Variants in RTRAF observed in about 807,000 individuals in gnomAD.
The protein encoded by RTRAF is RNA transcription, translation and transport factor, also known as tRNA-splicing ligase complex subunit RTRAF.
A neutral mutation model predicts 34.4 loss-of-function variants in RTRAF; 14 were observed. That is an observed-to-expected ratio of 0.41 (90% CI 0.27 to 0.64). The LOEUF (loss-of-function observed/expected upper bound fraction) is 0.64, where lower values mean the gene tolerates loss of function less well. RTRAF is among the 30% of genes least tolerant of loss of function. RTRAF has a pLI of 0.34. For missense variants in RTRAF, 291 were observed against 288.4 expected (o/e 1.01, Z -0.06); for synonymous variants, 96 against 95.3 (o/e 1.01, Z -0.04).
At chr14:52,000,851 G>A (rs139016561) in intron 5 of RTRAF, among the ~76,000 whole-genome samples, 90 of 152,278 alleles carry the variant, frequency 5.9e-4, no homozygotes, top group African/African-American at 2.0e-3. Flanking sequence ...AGGAGAGTCA[G>A]ACAATGCATA....
chr14:51,993,056 T>C (rs569092349), intron 2 of RTRAF, among the ~76,000 whole-genome samples: 52 of 152,268 alleles, frequency 3.4e-4, no homozygotes, highest in Non-Finnish European at 5.9e-4. Context: ...TATGTATGTG[T>C]GTGTATATAT....
chr14:52,008,217 T>C lies in RTRAF; in HGVS notation c.*3701T>C, dbSNP rs1329960669. On this transcript the variant is annotated 3_prime_UTR_variant, in exon 8 of 8. Transcript: ENST00000261700. ...CTTAGGGGCTCTCTCTTGCTCCCTT[T>C]GAGGGAAGCTGGATGCCATGTTGCA... The C allele has an allele frequency of 2.8e-6, 1 of 352,992 alleles. No homozygotes were observed. The highest frequency in any genetic ancestry group is 5.1e-6 in the Non-Finnish European group (1 of 195,016). 21.9% of individuals were successfully genotyped at this position (352,992 alleles called of 1,614,324 possible).
Position 52,004,560 on chromosome 14 carries a change from A to AACCAT in RTRAF, c.*47_*51dup. The AACCAT allele has an allele frequency of 6.4e-7, 1 of 1,561,536 alleles. No homozygotes were observed. Among genetic ancestry groups the AACCAT allele is most frequent in the Non-Finnish European group, 8.7e-7 (1 of 1,151,064 alleles). ...TTCTCACCTACTTAGTACAGTTGGGAACCATACACTTCTGGCATGTTTGGA... is the reference window on the plus strand; with the variant it reads ...TTCTCACCTACTTAGTACAGTTGGGAACCATACCATACACTTCTGGCATGTTTGGA... On this transcript the variant is annotated 3_prime_UTR_variant, in exon 8 of 8. Coordinates refer to ENST00000261700, the MANE Select transcript of RTRAF (RefSeq NM_016039.3).
In RTRAF at chr14:52,006,027, T is replaced by G; in HGVS notation, c.*1511T>G. 1.7e-6 allele frequency: 1 copy of G among 589,978 alleles called. No homozygotes were observed. The highest frequency in any genetic ancestry group is 3.1e-6 in the Non-Finnish European group (1 of 326,622). The allele number at this position is 589,978 out of a possible 1,614,324, so 36.5% of individuals were successfully genotyped here. ...CATTGCTCTAAATCCATTGCTCATC[T>G]CTAGCTGCATGTTAGAATCACATGA... is the stretch of plus-strand genomic sequence containing the variant. On this transcript the variant is annotated 3_prime_UTR_variant, in exon 8 of 8. Coordinates refer to ENST00000261700, the MANE Select transcript of RTRAF (RefSeq NM_016039.3).
rs200455533 is a variant in RTRAF, at chr14:51,999,747, C to A, written c.413C>A (p.Ala138Asp). ...PDFKAGVMAL[A>D]NLLQIQRHDD... ...TTTAAGGCTGGTGTGATGGCTTTGG[C>A]TAACCTGCTTCAGATTCAGCGTCAT... Residue 138 changes from alanine (A) to aspartate (D), a missense_variant, in exon 5 of 8, where the codon GCT (alanine) becomes GAT (aspartate). Ala to Asp is a moderately radical substitution (Grantham distance 126, BLOSUM62 -2). Transcript: ENST00000261700. The A allele has an allele frequency of 6.2e-7, 1 of 1,610,510 alleles. No homozygotes were observed. Among genetic ancestry groups the A allele is most frequent in the Non-Finnish European group, 8.5e-7 (1 of 1,177,468 alleles).
intron 3 of RTRAF, among the ~76,000 whole-genome samples, chr14:51,997,285 C>T (rs2140329014): frequency 6.6e-6 from 1 of 152,006 alleles, no homozygotes; most frequent in South Asian, 2.1e-4. Flanking sequence ...AAAAGGTGTT[C>T]TCTAATTTCA....
At position 52,006,611 on chromosome 14, in the gene RTRAF, G is replaced by T; in HGVS notation, c.*2095G>T. On this transcript the variant is annotated 3_prime_UTR_variant, in exon 8 of 8. Coordinates refer to ENST00000261700, the MANE Select transcript of RTRAF (RefSeq NM_016039.3). ...AGGGGTACTTGAGGTTGTTTTGAATGACACGCCGTCCAGTTCCATCAGGTA... is the reference window on the plus strand; with the variant it reads ...AGGGGTACTTGAGGTTGTTTTGAATTACACGCCGTCCAGTTCCATCAGGTA... 6.2e-7 allele frequency: 1 copy of T among 1,613,844 alleles called. No individual in the cohort carries two copies. Among genetic ancestry groups the T allele is most frequent in the South Asian group, 1.1e-5 (1 of 91,054 alleles).
chr14:52,001,961 A>G (rs754054934), intron 6 of RTRAF, 95 bp downstream of exon 6: 3 of 1,060,244 alleles, frequency 2.8e-6, no homozygotes, highest in Non-Finnish European at 4.1e-6. Context: ...TAAGATATCC[A>G]TTCTACGTTC....
intron 1 of RTRAF, among the ~76,000 whole-genome samples, chr14:51,990,801 A>G (rs1261116096): frequency 6.6e-6 from 1 of 152,032 alleles, no homozygotes; most frequent in Non-Finnish European, 1.5e-5. Context: ...TTGTCATTTA[A>G]TTTCTTTTAC....
At position 51,992,554 on chromosome 14, in the gene RTRAF, A is replaced by G. The variant is rs143682536; in HGVS notation, c.186+1113A>G. On this transcript the variant is annotated intron_variant, in intron 2 of 7. Coordinates refer to ENST00000261700, the MANE Select transcript of RTRAF (RefSeq NM_016039.3). ...CTGCCAATGCCTCTATACTACTACT[A>G]TTAATACTACTGTATTCTTTTCCTT... 5.2e-3 allele frequency among the ~76,000 whole-genome samples: 790 copies of G among 152,336 alleles called. 27 individuals carry two copies. The highest frequency in any genetic ancestry group is 0.047 in the Admixed American group (718 of 15,300).
chr14:51,998,726 T>C (rs567040177), intron 4 of RTRAF, 146 bp downstream of exon 4: 8 of 450,300 alleles, frequency 1.8e-5, no homozygotes, highest in African/African-American at 1.2e-4. Context: ...CATTTTATTC[T>C]CTATAATGTT....
rs1214792143 is a variant in RTRAF, at chr14:52,006,122, T to A, written c.*1606T>A. 6 of 459,332 alleles carry A rather than the reference T, an allele frequency of 1.3e-5. No homozygotes were observed. Among genetic ancestry groups the A allele is most frequent in the South Asian group, 6.9e-5 (3 of 43,432 alleles). 28.5% of individuals were successfully genotyped at this position (459,332 alleles called of 1,614,324 possible). A position where few individuals can be genotyped will look rare whatever the true frequency, so the allele number is the denominator to read the frequency against. On this transcript the variant is annotated 3_prime_UTR_variant, in exon 8 of 8. Transcript: ENST00000261700. ...GACTTTAATGTTCCACAGTTCCTCA[T>A]TTGAGAACTAGTCTAAATAGTATTT... is the stretch of plus-strand genomic sequence containing the variant.
rs1890743858 is a variant in RTRAF at position 52,005,625 on chromosome 14, C to T, written c.*1109C>T. The stretch of plus-strand genomic sequence containing the variant: ...AGGTAGTAAAGACTGGCCCTCAGGG[C>T]AGGAAGAAGGCAATGGTGGCAGTGT... On this transcript the variant is annotated 3_prime_UTR_variant, in exon 8 of 8. Coordinates refer to ENST00000261700, the MANE Select transcript of RTRAF (RefSeq NM_016039.3). 1.4e-6 allele frequency: 2 copies of T among 1,403,154 alleles called. No homozygotes were observed. The highest frequency in any genetic ancestry group is 1.4e-5 in the African/African-American group (1 of 70,564). 86.9% of individuals were successfully genotyped at this position (1,403,154 alleles called of 1,614,324 possible).
chr14:52,008,662 A>G lies in RTRAF; in HGVS notation c.*4146A>G, dbSNP rs964243345. On this transcript the variant is annotated 3_prime_UTR_variant, in exon 8 of 8. Transcript: ENST00000261700. ...TGCCTCCAAGATACCCCTTGACTCAACTGCCCCAAAACCCTCCGTTTGTTG... is the reference window on the plus strand; with the variant it reads ...TGCCTCCAAGATACCCCTTGACTCAGCTGCCCCAAAACCCTCCGTTTGTTG... 3.3e-5 allele frequency: 5 copies of G among 152,150 alleles called. No individual in the cohort carries two copies. The highest frequency in any genetic ancestry group is 7.2e-5 in the African/African-American group (3 of 41,426). 9.4% of individuals were successfully genotyped at this position (152,150 alleles called of 1,614,324 possible). A position where few individuals can be genotyped will look rare whatever the true frequency, so the allele number is the denominator to read the frequency against.
At chr14:52,003,387 A>C (rs1206285650) in intron 6 of RTRAF, among the ~76,000 whole-genome samples, 1 of 152,132 alleles carries the variant, frequency 6.6e-6, no homozygotes, top group Non-Finnish European at 1.5e-5. Flanking sequence ...TACATGTGTT[A>C]GCTGTTTTAA....
chr14:52,000,346 C>G (rs1466760203), intron 5 of RTRAF, among the ~76,000 whole-genome samples: 1 of 152,102 alleles, frequency 6.6e-6, no homozygotes, highest in Non-Finnish European at 1.5e-5. Context: ...CAGTTCATAA[C>G]TATACTTCAG....
chr14:52,008,042 T>G lies in RTRAF; in HGVS notation c.*3526T>G, dbSNP rs946892652. Reference sequence around the variant, plus strand: ...TAGGCAGCATCTAAGCAGCCCCCAGTGATCTCCATCTCCTCATGTATTATA... The same window carrying G: ...TAGGCAGCATCTAAGCAGCCCCCAGGGATCTCCATCTCCTCATGTATTATA... On this transcript the variant is annotated 3_prime_UTR_variant, in exon 8 of 8. Coordinates refer to ENST00000261700, the MANE Select transcript of RTRAF (RefSeq NM_016039.3). 1 of 1,216,404 alleles carries G rather than the reference T, an allele frequency of 8.2e-7. No homozygotes were observed. Among genetic ancestry groups the G allele is most frequent in the Non-Finnish European group, 1.2e-6 (1 of 861,244 alleles). The allele number at this position is 1,216,404 out of a possible 1,614,324, so 75.4% of individuals were successfully genotyped here.
intron 3 of RTRAF, among the ~76,000 whole-genome samples, chr14:51,997,597 A>G (rs1176627195): frequency 6.6e-6 from 1 of 151,830 alleles, no homozygotes; most frequent in East Asian, 1.9e-4. Context: ...AAGTGTTTTT[A>G]TTTTTGAATT....
Position 52,006,099 on chromosome 14 carries a change from CTT to C in RTRAF, c.*1585_*1586del. ...TAGGGCATGGTGTAAAGGGCTTAGA[CTT>C]TAATGTTCCACAGTTCCTCATTTGA... On this transcript the variant is annotated 3_prime_UTR_variant, in exon 8 of 8. Coordinates refer to ENST00000261700, the MANE Select transcript of RTRAF (RefSeq NM_016039.3). The C allele has an allele frequency of 2.0e-6, 1 of 490,588 alleles. No individual in the cohort carries two copies. The highest frequency in any genetic ancestry group is 2.2e-5 in the South Asian group (1 of 45,310). The allele number at this position is 490,588 out of a possible 1,614,324, so 30.4% of individuals were successfully genotyped here.
Sources: gnomAD v4.1 joint callset for allele counts (sites outside exome capture counted in the v4.1 genomes callset) on GRCh38, gnomAD v4.1.1 for gene constraint, MANE v1.5 for transcripts, NCBI Gene and HGNC (gene_info 2026-07-23, HGNC 2026-07-21) for gene names.